Variants in TBC1D8B observed in about 807,000 individuals in gnomAD.
TBC1D8B encodes TBC1 domain family member 8B.
Under a neutral mutation model 82.9 loss-of-function variants are expected in TBC1D8B, and 75 were observed. The observed-to-expected ratio is 0.90, with a 90% CI of 0.75 to 1.10. The LOEUF is 1.10. Ranked by LOEUF, TBC1D8B falls within the 50% of genes least tolerant of loss-of-function variation. The probability of loss-of-function intolerance (pLI) is 0.00; values close to 1 mark genes in which losing one functional copy is unlikely to be tolerated. For synonymous variants in TBC1D8B, 276 were observed against 276.8 expected (o/e 1.00, Z 0.03); for missense variants, 794 against 796.9 (o/e 1.00, Z 0.04).
intron 11 of TBC1D8B, 191 bp from the exon 12 acceptor site, chrX:106,849,834 T>G (rs919990516): frequency 3.9e-6 from 4 of 1,025,529 alleles, no homozygotes; most frequent in Non-Finnish European, 5.0e-6. Flanking sequence ...TTCAAATGAA[T>G]TTGAATTGTG....
intron 12 of TBC1D8B, among the ~76,000 whole-genome samples, chrX:106,850,872 C>T (rs774148429): frequency 1.8e-5 from 2 of 111,931 alleles, no homozygotes; most frequent in East Asian, 2.8e-4. Context: ...AAAATACAAA[C>T]ATCTTACTCT....
intron 1 of TBC1D8B, among the ~76,000 whole-genome samples, chrX:106,812,111 A>ATT (rs202219235): frequency 0.061 from 6,790 of 111,586 alleles, 546 homozygotes; most frequent in African/African-American, 0.21. Flanking sequence ...CTCTTAATAT[A>ATT]AAGTTGGCAG....
At chrX:106,848,491 T>C (rs905969806) in intron 11 of TBC1D8B, among the ~76,000 whole-genome samples, 188 bp downstream of exon 11, 1 of 112,395 alleles carries the variant, frequency 8.9e-6, no homozygotes, top group African/African-American at 3.2e-5. Context: ...AAGAGCTTTT[T>C]GTACTGAATG....
rs1280502354 is a variant in TBC1D8B, at chrX:106,850,264, C to T, written c.2077C>T (p.Leu693=). 6 of 1,210,262 alleles carry T rather than the reference C, an allele frequency of 5.0e-6. No homozygotes were observed. The East Asian group carries it at 1.8e-4, about 36-fold the overall frequency. The change falls in exon 12 of 21, where the codon CTG becomes TTG. Residue 693 remains leucine (L), a synonymous_variant. Coordinates refer to ENST00000357242, the MANE Select transcript of TBC1D8B (RefSeq NM_017752.3). ...AATACTTGACTATAATTTAGACAAA[C>T]TGCTGACTTGTAAAGATGATGCTGA... The part of the protein sequence containing the change: ...LAILDYNLDK[L]LTCKDDAEAV...
intron 8 of TBC1D8B, 138 bp downstream of exon 8, chrX:106,839,595 T>C: frequency 1.9e-6 from 1 of 519,877 alleles, no homozygotes; most frequent in South Asian, 7.1e-5. Flanking sequence ...TACTACTGTG[T>C]AACTTATTTA....
chrX:106,850,086 A>G lies in TBC1D8B; in HGVS notation c.1899A>G (p.Thr633=), dbSNP rs1602429550. 2 of 1,210,896 alleles carry G rather than the reference A, an allele frequency of 1.7e-6. No individual in the cohort carries two copies. The highest frequency in any genetic ancestry group is 3.5e-5 in the African/African-American group (2 of 57,881). The change falls in exon 12 of 21, where the codon ACA becomes ACG. Residue 633 remains threonine (T), a synonymous_variant. Coordinates refer to ENST00000357242, the MANE Select transcript of TBC1D8B (RefSeq NM_017752.3). ...ELIRDHLPQL[T]EHMTDMTFFS... is the part of the protein sequence containing the mutation. ...TCAGGGATCACCTTCCTCAGCTGAC[A>G]GAACACATGACTGATATGACATTCT...
At chrX:106,826,758 T>C (rs1447917058) in intron 6 of TBC1D8B, among the ~76,000 whole-genome samples, 1 of 110,692 alleles carries the variant, frequency 9.0e-6, no homozygotes, top group East Asian at 2.9e-4. Flanking sequence ...ACCTAAATGC[T>C]TATCTTGTTT....
At chrX:106,832,932 G>A (rs1932080380) in intron 7 of TBC1D8B, among the ~76,000 whole-genome samples, 2 of 110,690 alleles carry the variant, frequency 1.8e-5, no homozygotes, top group Admixed American at 9.7e-5. Flanking sequence ...TTTTAGCTGT[G>A]GGGGTAGATT....
At chrX:106,869,290 G>A (rs1357666562) in intron 18 of TBC1D8B, among the ~76,000 whole-genome samples, 195 bp from the exon 19 acceptor site, 3 of 110,942 alleles carry the variant, frequency 2.7e-5, no homozygotes, top group African/African-American at 9.8e-5. Context: ...TTTAAAATAC[G>A]GATTTTCCCC....
chrX:106,823,350 T>C lies in TBC1D8B; in HGVS notation c.711T>C (p.Ile237=). Residue 237 remains isoleucine (I), a synonymous_variant, in exon 5 of 21, where the codon ATT becomes ATC. Coordinates refer to ENST00000357242, the MANE Select transcript of TBC1D8B (RefSeq NM_017752.3). ...ENHYFSMFLH[I]NQTYLLMEQL... The stretch of plus-strand genomic sequence containing the variant: ...ACTACTTTTCAATGTTTTTGCACAT[T>C]AACCAAACATACCTTCTTATGGAAC... 1 of 1,210,565 alleles carries C rather than the reference T, an allele frequency of 8.3e-7. No individual in the cohort carries two copies. The highest frequency in any genetic ancestry group is 1.1e-6 in the Non-Finnish European group (1 of 894,802).
intron 5 of TBC1D8B, among the ~76,000 whole-genome samples, chrX:106,824,539 A>C (rs892275447): frequency 9.0e-6 from 1 of 111,550 alleles, no homozygotes; most frequent in Non-Finnish European, 1.9e-5. Context: ...GAATTCTATA[A>C]GGATTAAGAA....
intron 14 of TBC1D8B, among the ~76,000 whole-genome samples, chrX:106,854,856 A>C (rs1042371518): frequency 8.9e-6 from 1 of 111,813 alleles, no homozygotes; most frequent in Non-Finnish European, 1.9e-5. Flanking sequence ...GCATTTAAGC[A>C]TAACATATTT....
At chrX:106,829,363 A>T (rs1351553651) in intron 7 of TBC1D8B, 2 of 104,420 alleles carry the variant, frequency 1.9e-5, no homozygotes, top group African/African-American at 3.8e-5. Flanking sequence ...AAATGGCCAT[A>T]CTGCCCAAGG....
intron 5 of TBC1D8B, among the ~76,000 whole-genome samples, chrX:106,825,253 A>G (rs1249243099): frequency 6.2e-5 from 7 of 112,130 alleles, no homozygotes; most frequent in Non-Finnish European, 1.1e-4. Context: ...ATATTTAAAT[A>G]GTATATGCAG....
chrX:106,811,067 A>C (rs972766446), intron 1 of TBC1D8B, among the ~76,000 whole-genome samples: 1 of 112,498 alleles, frequency 8.9e-6, no homozygotes, highest in Non-Finnish European at 1.9e-5. Flanking sequence ...TTTATTTCTC[A>C]AAATCTCCTA....
chrX:106,829,724 G>A (rs1201272530), intron 7 of TBC1D8B: 1 of 110,344 alleles, frequency 9.1e-6, no homozygotes, highest in Non-Finnish European at 1.9e-5. Context: ...ATGGTGCTGG[G>A]AAAACTGGCT....
intron 1 of TBC1D8B, among the ~76,000 whole-genome samples, chrX:106,808,068 CAAT>C (rs1180329137): frequency 2.7e-5 from 3 of 109,479 alleles, no homozygotes; most frequent in East Asian, 2.8e-4. Context: ...ATAATAATAA[CAAT>C]AATAATAATA....
At chrX:106,818,518 AT>A in intron 1 of TBC1D8B, 144 bp from the exon 2 acceptor site, 1 of 358,522 alleles carries the variant, frequency 2.8e-6, no homozygotes, top group Non-Finnish European at 4.7e-6. Context: ...TCCCAAATGT[AT>A]TTTTTCTTTA....
At chrX:106,812,363 T>C (rs186275408) in intron 1 of TBC1D8B, among the ~76,000 whole-genome samples, 408 of 112,317 alleles carry the variant, frequency 3.6e-3, no homozygotes, top group Admixed American at 6.2e-3. Context: ...TTTGACTTTG[T>C]AAGCATGACA....
Sources: gnomAD v4.1 joint callset for allele counts (sites outside exome capture counted in the v4.1 genomes callset) on GRCh38, gnomAD v4.1.1 for gene constraint, MANE v1.5 for transcripts, NCBI Gene and HGNC (gene_info 2026-07-23, HGNC 2026-07-21) for gene names.